Variants in COL26A1 observed in about 807,000 individuals in gnomAD.
COL26A1 encodes collagen alpha-1(XXVI) chain.
A neutral mutation model predicts 59.3 loss-of-function variants in COL26A1; 41 were observed. The ratio of observed to expected loss-of-function variants is 0.69; its 90% CI spans 0.54 to 0.90. The LOEUF (loss-of-function observed/expected upper bound fraction) is 0.90. Ranked by LOEUF, COL26A1 falls within the 40% of genes least tolerant of loss-of-function variation. The pLI is 0.00. For missense variants in COL26A1, 612 were observed against 602.3 expected (o/e 1.02, Z -0.17); for synonymous variants, 266 against 256.0 (o/e 1.04, Z -0.37).
intron 1 of COL26A1, among the ~76,000 whole-genome samples, chr7:101,405,345 T>G (rs1792105066): frequency 6.6e-6 from 1 of 152,162 alleles, no homozygotes; most frequent in Non-Finnish European, 1.5e-5. Context: ...CTACATTTTT[T>G]TTTTTTTAGA....
chr7:101,531,405 C>T (rs1237313735), intron 3 of COL26A1, among the ~76,000 whole-genome samples: 1 of 152,240 alleles, frequency 6.6e-6, no homozygotes, highest in Non-Finnish European at 1.5e-5. Context: ...GTCCCAGAGT[C>T]AGAAAACTGT....
chr7:101,535,328 C>G (rs1309790119), intron 4 of COL26A1, among the ~76,000 whole-genome samples: 2 of 152,206 alleles, frequency 1.3e-5, no homozygotes, highest in African/African-American at 4.8e-5. Context: ...GCAGGGTCCC[C>G]GAGCCATGCC....
Position 101,533,155 on chromosome 7 carries a change from TG to T in COL26A1, c.447+16del. On this transcript the variant is annotated intron_variant, in intron 4 of 12. Transcript: ENST00000313669. ...CACTGGAGGCCAAGGTCAGTCGGGC[TG>T]GGGAGTCTGGGCCTGGGGAGCTGCC... is the stretch of plus-strand genomic sequence containing the variant. 2 of 1,590,320 alleles carry T rather than the reference TG, an allele frequency of 1.3e-6. No homozygotes were observed. Among genetic ancestry groups the T allele is most frequent in the Non-Finnish European group, 8.5e-7 (1 of 1,169,808 alleles).
At chr7:101,470,562 C>T (rs547541746) in intron 3 of COL26A1, among the ~76,000 whole-genome samples, 18 of 151,984 alleles carry the variant, frequency 1.2e-4, no homozygotes, top group Non-Finnish European at 2.1e-4. Flanking sequence ...ACTGTATCGC[C>T]GTTGCTCTCT....
At chr7:101,427,086 C>T (rs889989992) in intron 2 of COL26A1, among the ~76,000 whole-genome samples, 1 of 152,180 alleles carries the variant, frequency 6.6e-6, no homozygotes, top group African/African-American at 2.4e-5. Flanking sequence ...AGAGAGGGAG[C>T]CTCACTCTGT....
At chr7:101,470,456 T>A (rs1176101970) in intron 3 of COL26A1, among the ~76,000 whole-genome samples, 1 of 151,942 alleles carries the variant, frequency 6.6e-6, no homozygotes, top group African/African-American at 2.4e-5. Flanking sequence ...TCTGTCTTTC[T>A]TCTCTATGTC....
intron 3 of COL26A1, among the ~76,000 whole-genome samples, chr7:101,531,333 C>G (rs1410129985): frequency 6.6e-6 from 1 of 152,216 alleles, no homozygotes; most frequent in African/African-American, 2.4e-5. Flanking sequence ...TGTGTTCAAT[C>G]CACCATGTTT....
chr7:101,517,548 G>A (rs1022911334), intron 3 of COL26A1, among the ~76,000 whole-genome samples: 2 of 152,060 alleles, frequency 1.3e-5, no homozygotes, highest in Non-Finnish European at 2.9e-5. Context: ...ATCAGATCTC[G>A]CGAGACTTAC....
At chr7:101,534,555 CAG>C (rs1172984177) in intron 4 of COL26A1, among the ~76,000 whole-genome samples, 1 of 152,038 alleles carries the variant, frequency 6.6e-6, no homozygotes, top group African/African-American at 2.4e-5. Flanking sequence ...CACACAAAAA[CAG>C]GGACACACAT....
chr7:101,400,010 G>A (rs542371808), intron 1 of COL26A1, among the ~76,000 whole-genome samples: 3 of 152,314 alleles, frequency 2.0e-5, no homozygotes, highest in East Asian at 1.9e-4. Context: ...ATGTCCGGGG[G>A]TGGTACAGTG....
At chr7:101,465,034 CTTTTTTTTTTTTT>C (rs112899121) in intron 3 of COL26A1, among the ~76,000 whole-genome samples, 5 of 130,064 alleles carry the variant, frequency 3.8e-5, no homozygotes, top group Admixed American at 8.0e-5. Context: ...TTCTTTCTTT[CTTTTTTTTTTTTT>C]TTTTTGTTGG....
intron 11 of COL26A1, among the ~76,000 whole-genome samples, chr7:101,553,745 T>A (rs564738095): frequency 6.6e-6 from 1 of 152,170 alleles, no homozygotes; most frequent in Non-Finnish European, 1.5e-5. Context: ...GTGAATGGCG[T>A]CTCGGCATGG....
chr7:101,396,876 G>C (rs1258236657), intron 1 of COL26A1, among the ~76,000 whole-genome samples: 1 of 152,192 alleles, frequency 6.6e-6, no homozygotes, highest in Non-Finnish European at 1.5e-5. Flanking sequence ...ACCCAGTGGA[G>C]ATCAGACGGT....
At chr7:101,447,035 C>T (rs11764415) in intron 2 of COL26A1, among the ~76,000 whole-genome samples, 26,279 of 151,662 alleles carry the variant, frequency 0.17, 2,764 homozygotes, top group Non-Finnish European at 0.23. Context: ...GAGATGGAAT[C>T]GTAGGGGGTC....
chr7:101,552,038 G>A (rs1280760125), intron 10 of COL26A1, among the ~76,000 whole-genome samples: 6 of 152,230 alleles, frequency 3.9e-5, no homozygotes, highest in Non-Finnish European at 7.3e-5. Flanking sequence ...CGAGGCAGTG[G>A]TGGAGCCTGG....
Position 101,504,967 on chromosome 7 carries a change from A to G in COL26A1, c.386-28115A>G, listed in dbSNP as rs375659831. On this transcript the variant is annotated intron_variant, in intron 3 of 12. Coordinates refer to ENST00000313669, the MANE Select transcript of COL26A1 (RefSeq NM_001278563.3). Reference sequence around the variant, plus strand: ...TCAGGAGTTCCAGACCAGCCTGACCAATATGGTGAGACCCCATCTCTACTA... The same window carrying G: ...TCAGGAGTTCCAGACCAGCCTGACCGATATGGTGAGACCCCATCTCTACTA... 2.0e-5 allele frequency among the ~76,000 whole-genome samples: 3 copies of G among 152,192 alleles called. No homozygotes were observed. The East Asian group carries it at 5.8e-4, about 29-fold the overall frequency.
intron 3 of COL26A1, among the ~76,000 whole-genome samples, chr7:101,488,841 T>C (rs954730628): frequency 6.6e-6 from 1 of 152,186 alleles, no homozygotes; most frequent in African/African-American, 2.4e-5. Flanking sequence ...AGCGCACTCT[T>C]CCAGGTTAGT....
chr7:101,525,171 C>CTTTTTTTTTTTTTTTTTTTT (rs34881584), intron 3 of COL26A1, among the ~76,000 whole-genome samples: 1 of 73,840 alleles, frequency 1.4e-5, no homozygotes, highest in Non-Finnish European at 2.4e-5. Context: ...TGACTTCATT[C>CTTTTTTTTTTTTTTTTTTTT]TTTTTTTTTT....
chr7:101,376,206 G>A (rs907838570), intron 1 of COL26A1, among the ~76,000 whole-genome samples: 2 of 151,680 alleles, frequency 1.3e-5, no homozygotes, highest in African/African-American at 4.8e-5. Flanking sequence ...CAGCTACCTG[G>A]GAGGGGAGGC....
Sources: allele counts gnomAD v4.1 joint callset (sites outside exome capture counted in the v4.1 genomes callset), GRCh38; gene constraint gnomAD v4.1.1; transcripts MANE v1.5; gene names NCBI Gene and HGNC (gene_info 2026-07-23, HGNC 2026-07-21).